The following TNN variants were observed in gnomAD, a reference collection of about 807,000 sequenced individuals.
TNN encodes the protein tenascin-N.
Under a neutral mutation model 134.4 loss-of-function variants are expected in TNN, and 122 were observed. That is an observed-to-expected ratio of 0.91 (90% confidence interval 0.78 to 1.06). TNN has a LOEUF of 1.06. TNN is among the 50% of genes least tolerant of loss of function. The probability of loss-of-function intolerance (pLI) is 0.00; values close to 1 mark genes in which losing one functional copy is unlikely to be tolerated. For missense variants in TNN, 1,739 were observed against 1,699.4 expected, an observed-to-expected ratio of 1.02 and a Z score of -0.41; for synonymous variants, 710 against 670.3, an observed-to-expected ratio of 1.06 and a Z score of -0.91.
intron 6 of TNN, among the ~76,000 whole-genome samples, chr1:175,086,879 G>A (rs1674334170): frequency 6.6e-6 from 1 of 152,190 alleles, no homozygotes; most frequent in Non-Finnish European, 1.5e-5. Context: ...TGAATTAATT[G>A]AGAGCTTACT....
chr1:175,127,141 A>G, intron 13 of TNN, 56 bp downstream of exon 13: 1 of 1,581,530 alleles, frequency 6.3e-7, no homozygotes, highest in African/African-American at 1.3e-5. Context: ...TGAAGCAACT[A>G]ACTTGGGCCA....
At chr1:175,120,009 T>A (rs548594164) in intron 11 of TNN, among the ~76,000 whole-genome samples, 1 of 152,366 alleles carries the variant, frequency 6.6e-6, no homozygotes, top group East Asian at 1.9e-4. Context: ...TAGGAAATAA[T>A]GTAAAACCAA....
intron 9 of TNN, among the ~76,000 whole-genome samples, chr1:175,110,481 T>C (rs568260110): frequency 6.6e-5 from 10 of 152,388 alleles, no homozygotes; most frequent in Admixed American, 6.5e-4. Context: ...TGTTTTCTTC[T>C]GTAGTTTCAT....
At position 175,076,438 on chromosome 1, in the gene TNN, C is replaced by G. The variant is rs180936453; in HGVS notation, c.-35-946C>G. Reference sequence around the variant, plus strand: ...TAACAGGCTCACGGCCTAAGACAAGCTGCATACAAGAGTAACTGTAACACC... The same window carrying G: ...TAACAGGCTCACGGCCTAAGACAAGGTGCATACAAGAGTAACTGTAACACC... On this transcript the variant is annotated intron_variant, in intron 1 of 18. Transcript: ENST00000239462. Among the ~76,000 whole-genome samples the G allele has an allele frequency of 1.1e-3, 168 of 152,332 alleles. 1 individual carries two copies. The highest frequency in any genetic ancestry group is 3.9e-3 in the African/African-American group (163 of 41,574).
At position 175,077,365 on chromosome 1, in the gene TNN, G is replaced by A; in HGVS notation, c.-35-19G>A. 6.5e-7 allele frequency: 1 copy of A among 1,533,480 alleles called. No homozygotes were observed. The highest frequency in any genetic ancestry group is 8.8e-7 in the Non-Finnish European group (1 of 1,138,510). 95.0% of individuals were successfully genotyped at this position (1,533,480 alleles called of 1,614,324 possible). ...CAGCACATCTCCGTGGCTTTCTTTT[G>A]CAATGTTTCTGAATACAGGCATCCT... On this transcript the variant is annotated intron_variant, in intron 1 of 18. Coordinates refer to ENST00000239462, the MANE Select transcript of TNN (RefSeq NM_022093.2).
At chr1:175,126,317 G>A (rs143076969) in intron 12 of TNN, among the ~76,000 whole-genome samples, 3 of 151,942 alleles carry the variant, frequency 2.0e-5, no homozygotes, top group African/African-American at 7.3e-5. Flanking sequence ...GGCCAGGCTG[G>A]TGTCGAACTC....
intron 11 of TNN, among the ~76,000 whole-genome samples, chr1:175,122,534 A>G (rs990179804): frequency 4.5e-5 from 4 of 89,594 alleles, no homozygotes; most frequent in African/African-American, 1.7e-4. Flanking sequence ...AAGGGTTGAG[A>G]GTGTTTCAAG....
rs572796550 is a variant in TNN, at chr1:175,073,350, G to A, written c.-35-4034G>A. Among the ~76,000 whole-genome samples, 9 of 152,240 alleles carry A rather than the reference G, an allele frequency of 5.9e-5. No homozygotes were observed. The South Asian group carries it at 6.2e-4, about 11-fold the overall frequency. On this transcript the variant is annotated intron_variant, in intron 1 of 18. Transcript: ENST00000239462. ...TTGTGATGAACGTCTAAGGATGGCCGTTGTGAAATATCATTATTTTTATCC... is the reference window on the plus strand; with the variant it reads ...TTGTGATGAACGTCTAAGGATGGCCATTGTGAAATATCATTATTTTTATCC...
At chr1:175,096,509 G>A (rs1308045030) in intron 7 of TNN, among the ~76,000 whole-genome samples, 1 of 152,156 alleles carries the variant, frequency 6.6e-6, no homozygotes, top group African/African-American at 2.4e-5. Context: ...TCCTGTGCAG[G>A]TATGAAATGC....
In TNN at chr1:175,125,731, T is replaced by A. The variant is rs1241526902; in HGVS notation, c.2915-1224T>A. The stretch of plus-strand genomic sequence containing the variant: ...TTTCTTTCTTTCTTTCTTTCTTTCT[T>A]TCTTTCTTTCTTTCTTTCTTTCTTT... On this transcript the variant is annotated intron_variant, in intron 12 of 18. Transcript: ENST00000239462. Among the ~76,000 whole-genome samples, 150 of 100,714 alleles carry A rather than the reference T, an allele frequency of 1.5e-3. 2 individuals carry two copies. The highest frequency in any genetic ancestry group is 2.1e-3 in the Non-Finnish European group (103 of 49,270). 66.1% of individuals were successfully genotyped at this position (100,714 alleles called of 152,430 possible).
chr1:175,080,367 C>T lies in TNN; in HGVS notation c.989C>T (p.Thr330Ile), dbSNP rs189214939. ...GLLPGTKYIVTLRNVKNEVSS... is the reference protein window; with the variant it reads ...GLLPGTKYIVILRNVKNEVSS... ...CTGCCTGGAACCAAGTACATAGTCACCCTGCGTAACGTCAAGAATGAAGTT... is the reference window on the plus strand; with the variant it reads ...CTGCCTGGAACCAAGTACATAGTCATCCTGCGTAACGTCAAGAATGAAGTT... The change falls in exon 4 of 19, where the codon ACC (threonine) becomes ATC (isoleucine). Residue 330 changes from threonine (T) to isoleucine (I), a missense_variant. Thr to Ile is a moderately conservative substitution (Grantham distance 89). Coordinates refer to ENST00000239462, the MANE Select transcript of TNN (RefSeq NM_022093.2). 6.2e-7 allele frequency: 1 copy of T among 1,614,078 alleles called. No homozygotes were observed. Among genetic ancestry groups the T allele is most frequent in the Non-Finnish European group, 8.5e-7 (1 of 1,179,974 alleles).
At chr1:175,123,261 G>A in intron 11 of TNN, 139 bp from the exon 12 acceptor site, 1 of 977,526 alleles carries the variant, frequency 1.0e-6, no homozygotes, top group Non-Finnish European at 1.5e-6. Context: ...ATGGAGACCA[G>A]GGGCCTTTGA....
intron 9 of TNN, among the ~76,000 whole-genome samples, chr1:175,102,253 A>G (rs538202377): frequency 6.8e-6 from 1 of 146,276 alleles, no homozygotes; most frequent in African/African-American, 2.5e-5. Context: ...TGGATCCCGC[A>G]CTGGGGCTGC....
chr1:175,117,336 A>G, intron 10 of TNN, 131 bp downstream of exon 10: 1 of 1,428,946 alleles, frequency 7.0e-7, no homozygotes, highest in South Asian at 1.3e-5. Flanking sequence ...TCCCTTCATA[A>G]CAGATTGCAC....
rs548251185 is a variant in TNN, at chr1:175,117,013, C to T, written c.2194C>T (p.Arg732Trp). ...GGCCACTGTCTCCTGGGACCCGGTG[C>T]GGGCCACCATTGACAGGTATGTGGT... The part of the protein sequence containing the change: ...NMATVSWDPV[R>W]ATIDRYVVRY... Residue 732 changes from arginine (R) to tryptophan (W), a missense_variant, in exon 10 of 19, where the codon CGG becomes TGG. By Grantham distance (101) the Arg-to-Trp change is moderately radical (BLOSUM62 -3). Coordinates refer to ENST00000239462, the MANE Select transcript of TNN (RefSeq NM_022093.2). 35 of 1,614,190 alleles carry T rather than the reference C, an allele frequency of 2.2e-5. No homozygotes were observed. The highest frequency in any genetic ancestry group is 5.5e-5 in the South Asian group (5 of 91,082).
Position 175,147,191 on chromosome 1 carries a change from C to A in TNN, c.*120C>A. The A allele has an allele frequency of 1.9e-6, 2 of 1,037,572 alleles. No individual in the cohort carries two copies. Among genetic ancestry groups the A allele is most frequent in the Non-Finnish European group, 2.6e-6 (2 of 779,110 alleles). The allele number at this position is 1,037,572 out of a possible 1,614,324, so 64.3% of individuals were successfully genotyped here. ...TAGCCCGCAGAACAAATCATGTCAC[C>A]AAGCTTCAAGCCATGGAGGTTCCTT... On this transcript the variant is annotated 3_prime_UTR_variant, in exon 19 of 19. Transcript: ENST00000239462.
chr1:175,068,010 T>A, intron 1 of TNN, 75 bp downstream of exon 1: 1 of 448,086 alleles, frequency 2.2e-6, no homozygotes, highest in South Asian at 1.6e-5. Context: ...TCAAAAGTGG[T>A]GGCTCAGGTG....
At chr1:175,106,274 G>A (rs937229392) in intron 9 of TNN, among the ~76,000 whole-genome samples, 11 of 145,862 alleles carry the variant, frequency 7.5e-5, no homozygotes, top group Non-Finnish European at 7.6e-5. Context: ...GAGGGAGGGA[G>A]GGGATCTTCA....
intron 3 of TNN, 84 bp downstream of exon 3, chr1:175,079,791 G>A: frequency 1.4e-6 from 2 of 1,469,138 alleles, no homozygotes; most frequent in Non-Finnish European, 1.8e-6. Flanking sequence ...TGTCATCTTT[G>A]GGGGTCTCTT....
Sources: allele counts gnomAD v4.1 joint callset (sites outside exome capture counted in the v4.1 genomes callset), GRCh38; gene constraint gnomAD v4.1.1; transcripts MANE v1.5; gene names NCBI Gene and HGNC (gene_info 2026-07-23, HGNC 2026-07-21).